Variants in CMYA5 observed in about 807,000 individuals in gnomAD.
The protein encoded by CMYA5 is cardiomyopathy associated 5, also known as cardiomyopathy-associated protein 5.
CMYA5 carries 246 observed loss-of-function variants against 318.9 expected under a neutral mutation model. That is an observed-to-expected ratio of 0.77 (90% confidence interval 0.70 to 0.86). CMYA5 has a LOEUF of 0.86. Ranked by LOEUF, CMYA5 falls within the 40% of genes least tolerant of loss-of-function variation. The pLI, the probability that CMYA5 is intolerant of heterozygous loss-of-function variation, is 0.00. For missense variants in CMYA5, 4,589 were observed against 4,678.2 expected, an observed-to-expected ratio of 0.98 and a Z score of 0.56; for synonymous variants, 1,641 against 1,729.5, an observed-to-expected ratio of 0.95 and a Z score of 1.27.
chr5:79,776,667 T>C (rs534338563), intron 9 of CMYA5, among the ~76,000 whole-genome samples: 1 of 152,320 alleles, frequency 6.6e-6, no homozygotes, highest in African/African-American at 2.4e-5. Flanking sequence ...CCTTACCAGC[T>C]GGTCCTTCAG....
intron 6 of CMYA5, among the ~76,000 whole-genome samples, chr5:79,755,725 TCCC>T (rs1828515572): frequency 6.6e-6 from 1 of 151,052 alleles, no homozygotes; most frequent in Non-Finnish European, 1.5e-5. Flanking sequence ...ATATTCTTAT[TCCC>T]TTTTCATTTT....
Position 79,799,408 on chromosome 5 carries a change from A to C in CMYA5, c.12002A>C (p.His4001Pro). ...FFYSGIVSDVHVTERPARVGI... is the reference protein window; with the variant it reads ...FFYSGIVSDVPVTERPARVGI... The stretch of plus-strand genomic sequence containing the variant: ...TACAGTGGTATTGTGAGTGATGTTC[A>C]TGTGACTGAGCGTCCAGCCAGAGTG... The change falls in exon 13 of 13, where the codon CAT (histidine) becomes CCT (proline). Residue 4001 changes from histidine (H) to proline (P), a missense_variant. By Grantham distance (77) the His-to-Pro change is moderately conservative (BLOSUM62 -2). Around this residue, in one of 3 missense-constraint regions of CMYA5, gnomAD observed 2,431 missense variants for 2,495.1 expected, o/e 0.97. Transcript: ENST00000446378. The C allele has an allele frequency of 6.2e-7, 1 of 1,613,602 alleles. No homozygotes were observed. Among genetic ancestry groups the C allele is most frequent in the Non-Finnish European group, 8.5e-7 (1 of 1,179,514 alleles).
At chr5:79,711,409 A>G (rs1257989661) in intron 1 of CMYA5, among the ~76,000 whole-genome samples, 1 of 152,242 alleles carries the variant, frequency 6.6e-6, no homozygotes, top group Non-Finnish European at 1.5e-5. Context: ...TGGTACAGAG[A>G]GAAAAAGAAT....
rs777671778 is a variant in CMYA5, at chr5:79,732,363, G to A, written c.3598G>A (p.Ala1200Thr). The A allele has an allele frequency of 6.2e-7, 1 of 1,613,666 alleles. No homozygotes were observed. Among genetic ancestry groups the A allele is most frequent in the Non-Finnish European group, 8.5e-7 (1 of 1,179,788 alleles). Residue 1200 changes from alanine (A) to threonine (T), a missense_variant, in exon 2 of 13, where the codon GCT (alanine) becomes ACT (threonine). Around this residue, in one of 3 missense-constraint regions of CMYA5, gnomAD observed 2,132 missense variants for 2,131.3 expected, o/e 1.00. Coordinates refer to ENST00000446378, the MANE Select transcript of CMYA5 (RefSeq NM_153610.5). ...TCTAAAAGCTGCAGATGAACAGATGGCTTTGTCAAAAGTCAGAAAGGAAGA... is the reference window on the plus strand; with the variant it reads ...TCTAAAAGCTGCAGATGAACAGATGACTTTGTCAAAAGTCAGAAAGGAAGA... ...LTLKAADEQM[A>T]LSKVRKEEIV...
At chr5:79,747,024 TTCTC>T (rs1828337031) in intron 4 of CMYA5, 63 bp from the exon 5 acceptor site, 3 of 960,372 alleles carry the variant, frequency 3.1e-6, no homozygotes, top group Non-Finnish European at 4.8e-6. Context: ...GTTAATTAGC[TTCTC>T]TCTCTCTTTC....
Position 79,729,135 on chromosome 5 carries a change from A to G in CMYA5, c.370A>G (p.Ile124Val). ...TTCTCCTCCTGGAAATGTTTCCTTTATTGTGGATGAAGTGAAAAAGGTTCG... is the reference window on the plus strand; with the variant it reads ...TTCTCCTCCTGGAAATGTTTCCTTTGTTGTGGATGAAGTGAAAAAGGTTCG... ...VNSPPGNVSF[I>V]VDEVKKVRKR... The change falls in exon 2 of 13, where the codon ATT becomes GTT. Residue 124 changes from isoleucine (I) to valine (V), a missense_variant. By Grantham distance (29) the Ile-to-Val change is conservative (BLOSUM62 3). Transcript: ENST00000446378. 6.2e-7 allele frequency: 1 copy of G among 1,613,224 alleles called. No individual in the cohort carries two copies. Among genetic ancestry groups the G allele is most frequent in the Non-Finnish European group, 8.5e-7 (1 of 1,179,558 alleles).
rs16877124 is a variant in CMYA5 at position 79,730,537 on chromosome 5, G to A, written c.1772G>A (p.Gly591Asp). Reference protein sequence around the residue: ...EREEIASVSTGSAFVSEYSVP... With the variant: ...EREEIASVSTDSAFVSEYSVP... ...GAGGAAATTGCATCTGTTTCTACTG[G>A]TTCTGCTTTTGTATCAGAGTATTCA... is the stretch of plus-strand genomic sequence containing the variant. Residue 591 changes from glycine (G) to aspartate (D), a missense_variant, in exon 2 of 13, where the codon GGT becomes GAT. Transcript: ENST00000446378. The A allele has an allele frequency of 0.12, 190,502 of 1,613,674 alleles. 21,117 individuals are homozygous for A. Among genetic ancestry groups the A allele is most frequent in the African/African-American group, 0.51 (38,388 of 74,916 alleles).
chr5:79,725,387 C>A (rs1413209365), intron 1 of CMYA5, among the ~76,000 whole-genome samples: 1 of 152,186 alleles, frequency 6.6e-6, no homozygotes, highest in East Asian at 1.9e-4. Flanking sequence ...ATCACATGTT[C>A]TCACTTATAA....
In CMYA5 at chr5:79,791,067, G is replaced by A. The variant is rs769605602; in HGVS notation, c.11787G>A (p.Thr3929=). The A allele has an allele frequency of 1.7e-5, 27 of 1,609,594 alleles. No individual in the cohort carries two copies. In the African/African-American group the frequency reaches 1.7e-4, roughly 10 times the overall value. ...VISFGERRRL[T]EIPSVLGEEL... ...GCTTTGGTGAGAGGAGACGGCTGACGGAGTAAGTAGAAGAAGAAAGCACAA... is the reference window on the plus strand; with the variant it reads ...GCTTTGGTGAGAGGAGACGGCTGACAGAGTAAGTAGAAGAAGAAAGCACAA... Residue 3929 remains threonine, a splice_region_variant and synonymous_variant, in exon 11 of 13, where the codon ACG becomes ACA. Transcript: ENST00000446378.
intron 11 of CMYA5, 146 bp from the exon 12 acceptor site, chr5:79,793,291 A>G: frequency 1.4e-6 from 1 of 732,616 alleles, no homozygotes. Context: ...TTAGGGATAC[A>G]ATGAACAGAG....
In CMYA5 at chr5:79,769,101, G is replaced by C. The variant is rs370994629; in HGVS notation, c.11555+5892G>C. On this transcript the variant is annotated intron_variant, in intron 9 of 12. Transcript: ENST00000446378. Reference sequence around the variant, plus strand: ...TTGATTAATTTGGCTATTGATACTTGTGTAGGCGTCAAGAAGTTCTCGTGC... The same window carrying C: ...TTGATTAATTTGGCTATTGATACTTCTGTAGGCGTCAAGAAGTTCTCGTGC... Among the ~76,000 whole-genome samples the C allele has an allele frequency of 4.4e-4, 67 of 151,850 alleles. No homozygotes were observed. In the South Asian group the frequency reaches 0.013, roughly 30 times the overall value.
intron 9 of CMYA5, among the ~76,000 whole-genome samples, chr5:79,773,895 A>C (rs1048746214): frequency 2.0e-5 from 3 of 152,242 alleles, no homozygotes; most frequent in Non-Finnish European, 4.4e-5. Flanking sequence ...TAGGAAGACA[A>C]GTTGAAAGGA....
At position 79,689,868 on chromosome 5, in the gene CMYA5, C is replaced by T. The variant is rs1162504696; in HGVS notation, c.-40C>T. 1.5e-6 allele frequency: 1 copy of T among 664,004 alleles called. No individual in the cohort carries two copies. Among genetic ancestry groups the T allele is most frequent in the Non-Finnish European group, 2.7e-6 (1 of 370,116 alleles). 41.1% of individuals were successfully genotyped at this position (664,004 alleles called of 1,614,324 possible). Reference sequence around the variant, plus strand: ...GGGAGAACACCAGGCGCGGCGCGGGCGGCTCCGGCTCCGGCCCCGGCCCAG... The same window carrying T: ...GGGAGAACACCAGGCGCGGCGCGGGTGGCTCCGGCTCCGGCCCCGGCCCAG... On this transcript the variant is annotated 5_prime_UTR_variant, in exon 1 of 13. Transcript: ENST00000446378.
chr5:79,690,117 G>A, intron 1 of CMYA5, 61 bp downstream of exon 1: 1 of 1,380,214 alleles, frequency 7.2e-7, no homozygotes, highest in Non-Finnish European at 9.4e-7. Flanking sequence ...ACCCTTGCTT[G>A]TTTGCTTTAA....
Position 79,736,437 on chromosome 5 carries a change from C to G in CMYA5, c.7672C>G (p.Gln2558Glu). Residue 2558 changes from glutamine to glutamate, a missense_variant, in exon 2 of 13, where the codon CAG becomes GAG. Coordinates refer to ENST00000446378, the MANE Select transcript of CMYA5 (RefSeq NM_153610.5). ...AGAAGGAAAGAAGCAGCAGGAACAT[C>G]AGCCTTATTCTGTGAATGTAGCCGA... ...LSEGKKQQEH[Q>E]PYSVNVAESM... is the part of the protein sequence containing the mutation. 6.2e-7 allele frequency: 1 copy of G among 1,608,738 alleles called. No homozygotes were observed. The highest frequency in any genetic ancestry group is 8.5e-7 in the Non-Finnish European group (1 of 1,177,294).
intron 7 of CMYA5, among the ~76,000 whole-genome samples, chr5:79,760,165 T>A: frequency 7.4e-6 from 1 of 135,938 alleles, no homozygotes; most frequent in South Asian, 2.3e-4. Flanking sequence ...ACCCTTCTTA[T>A]CAAATAGTTG....
chr5:79,731,370 G>A lies in CMYA5; in HGVS notation c.2605G>A (p.Ala869Thr). 6.2e-7 allele frequency: 1 copy of A among 1,613,754 alleles called. No homozygotes were observed. Among genetic ancestry groups the A allele is most frequent in the Admixed American group, 1.7e-5 (1 of 59,990 alleles). ...HTTEMTSECQAPPLSATPSEY... is the reference protein window; with the variant it reads ...HTTEMTSECQTPPLSATPSEY... Reference sequence around the variant, plus strand: ...AACCGAGATGACTTCTGAATGCCAGGCCCCACCACTTTCAGCCACCCCATC... The same window carrying A: ...AACCGAGATGACTTCTGAATGCCAGACCCCACCACTTTCAGCCACCCCATC... Residue 869 changes from alanine (A) to threonine (T), a missense_variant, in exon 2 of 13, where the codon GCC becomes ACC. Ala to Thr is a moderately conservative substitution (Grantham distance 58). Transcript: ENST00000446378.
At chr5:79,723,050 C>T (rs1196788170) in intron 1 of CMYA5, among the ~76,000 whole-genome samples, 2 of 152,186 alleles carry the variant, frequency 1.3e-5, no homozygotes, top group Non-Finnish European at 2.9e-5. Flanking sequence ...ATTTTACACA[C>T]TCTTCCAGAG....
At chr5:79,750,299 T>C (rs1458463740) in intron 5 of CMYA5, among the ~76,000 whole-genome samples, 1 of 146,892 alleles carries the variant, frequency 6.8e-6, no homozygotes, top group Non-Finnish European at 1.5e-5. Context: ...CTCTTCCTTA[T>C]GGTTTTCTGA....
Sources: allele counts gnomAD v4.1 joint callset (sites outside exome capture counted in the v4.1 genomes callset), GRCh38; gene constraint gnomAD v4.1.1; regional missense constraint gnomAD v4.1.1; transcripts MANE v1.5; gene names NCBI Gene and HGNC (gene_info 2026-07-23, HGNC 2026-07-21).